The following FGFR1 variants were observed in gnomAD, a reference collection of about 807,000 sequenced individuals.
The protein encoded by FGFR1 is FGFR1/PLAG1 fusion.
In FGFR1, 18 loss-of-function variants were observed where a neutral mutation model predicts 93.7. That is an observed-to-expected ratio of 0.19 (90% CI 0.13 to 0.28). FGFR1 has a LOEUF of 0.28. FGFR1 is among the 10% of genes least tolerant of loss of function. The pLI, the probability that FGFR1 is intolerant of heterozygous loss-of-function variation, is 1.00. For synonymous variants in FGFR1, 448 were observed against 429.3 expected, an observed-to-expected ratio of 1.04 and a Z score of -0.54; for missense variants, 731 against 1,080.4, an observed-to-expected ratio of 0.68 and a Z score of 4.53.
In FGFR1 at chr8:38,428,395, G is replaced by GTCATCATCA. The variant is rs138489552; in HGVS notation, c.390_398dup (p.Asp131_Asp133dup). 9 of 1,613,622 alleles carry GTCATCATCA rather than the reference G, an allele frequency of 5.6e-6. No individual in the cohort carries two copies. Among genetic ancestry groups the GTCATCATCA allele is most frequent in the Non-Finnish European group, 7.6e-6 (9 of 1,179,702 alleles). ...CTGTTTCTTTCTCCTCTGAAGAGGA[G>GTCATCATCA]TCATCATCATCATCATCATCCTCCG... On this transcript the variant is annotated inframe_insertion, in exon 4 of 18. Coordinates refer to ENST00000447712, the MANE Select transcript of FGFR1 (RefSeq NM_023110.3).
At chr8:38,417,266 T>TC in intron 12 of FGFR1, 40 bp downstream of exon 12, 7 of 1,514,772 alleles carry the variant, frequency 4.6e-6, no homozygotes, top group Non-Finnish European at 6.4e-6. Context: ...TCAGATCTTC[T>TC]CCCCGCTGGG....
chr8:38,461,021 C>A, intron 1 of FGFR1: 1 of 1,518,210 alleles, frequency 6.6e-7, no homozygotes, highest in Non-Finnish European at 8.8e-7. Context: ...TGCCTGCATG[C>A]AGAGGTCCTC....
At chr8:38,416,845 C>A (rs1184222268) in intron 12 of FGFR1, among the ~76,000 whole-genome samples, 2 of 152,142 alleles carry the variant, frequency 1.3e-5, no homozygotes, top group Non-Finnish European at 2.9e-5. Flanking sequence ...CTCCACCTCC[C>A]GGGTTCAAGC....
At chr8:38,457,985 A>G (rs1833341922) in intron 1 of FGFR1, among the ~76,000 whole-genome samples, 1 of 152,100 alleles carries the variant, frequency 6.6e-6, no homozygotes, top group African/African-American at 2.4e-5. Flanking sequence ...TCTGTCTCAA[A>G]AAGAGAGGTT....
At chr8:38,457,204 T>G in intron 2 of FGFR1, 152 bp downstream of exon 2, 28 of 844,174 alleles carry the variant, frequency 3.3e-5, no homozygotes, top group Non-Finnish European at 4.9e-5. Context: ...CCAGGTATCT[T>G]GAGAGTTTCT....
rs2150816268 is a variant in FGFR1, at chr8:38,424,556, C to T, written c.889G>A (p.Gly297Arg). Reference protein sequence around the residue: ...IQWLKHIEVNGSKIGPDNLPY... With the variant: ...IQWLKHIEVNRSKIGPDNLPY... ...AGGTTGTCTGGGCCAATCTTGCTCC[C>T]ATTCACCTCGATGTGCTTTAGCCAC... Residue 297 changes from glycine (G) to arginine (R), a missense_variant, in exon 7 of 18, where the codon GGG (glycine) becomes AGG (arginine). By Grantham distance (125) the Gly-to-Arg change is moderately radical. This residue lies in a region of FGFR1 where 109 missense variants were observed against 249.4 expected (regional missense o/e 0.44). Coordinates refer to ENST00000447712, the MANE Select transcript of FGFR1 (RefSeq NM_023110.3). The surrounding 1 kb of genome is among the most constrained non-coding windows in gnomAD (Gnocchi z 4.3). 1 of 1,614,244 alleles carries T rather than the reference C, an allele frequency of 6.2e-7. No homozygotes were observed. Among genetic ancestry groups the T allele is most frequent in the Non-Finnish European group, 8.5e-7 (1 of 1,180,048 alleles).
At chr8:38,458,877 A>C (rs1360370445) in intron 1 of FGFR1, 1 of 220,694 alleles carries the variant, frequency 4.5e-6, no homozygotes, top group Non-Finnish European at 9.1e-6. Context: ...GCCAGGAGGG[A>C]TCCAGTTCTC....
At chr8:38,415,723 G>C (rs1247168567) in intron 13 of FGFR1, 147 bp downstream of exon 13, 5 of 832,790 alleles carry the variant, frequency 6.0e-6, no homozygotes, top group Non-Finnish European at 9.9e-6. Context: ...GCAGTTCCCA[G>C]AGAGCCTAAG....
chr8:38,444,388 T>G (rs1231148753), intron 2 of FGFR1, among the ~76,000 whole-genome samples: 11 of 116,022 alleles, frequency 9.5e-5, no homozygotes, highest in African/African-American at 1.2e-4. Flanking sequence ...ATGGTTCGGG[T>G]TTTTTTTTTT....
At chr8:38,442,669 C>G (rs1315253010) in intron 2 of FGFR1, among the ~76,000 whole-genome samples, 1 of 152,164 alleles carries the variant, frequency 6.6e-6, no homozygotes, top group Non-Finnish European at 1.5e-5. Flanking sequence ...CCTCTCCCAG[C>G]TGGGGCCTCT....
intron 7 of FGFR1, chr8:38,423,726 A>T (rs1218308584): frequency 1.3e-5 from 2 of 156,308 alleles, no homozygotes; most frequent in East Asian, 3.8e-4. Context: ...TGTTTAACCC[A>T]CTCCCTCCAG....
rs970387597 is a variant in FGFR1 at position 38,427,845 on chromosome 8, A to G, written c.621+76T>C. Reference sequence around the variant, plus strand: ...GGAAAGTATTACTTAAAAAAATGAAAAGCATGTAATCAGGACTTCCTAACT... The same window carrying G: ...GGAAAGTATTACTTAAAAAAATGAAGAGCATGTAATCAGGACTTCCTAACT... On this transcript the variant is annotated intron_variant, in intron 5 of 17. Coordinates refer to ENST00000447712, the MANE Select transcript of FGFR1 (RefSeq NM_023110.3). 454 of 1,527,216 alleles carry G rather than the reference A, an allele frequency of 3.0e-4. 1 individual carries two copies. The highest frequency in any genetic ancestry group is 5.3e-5 in the Non-Finnish European group (58 of 1,101,468). 94.6% of individuals were successfully genotyped at this position (1,527,216 alleles called of 1,614,324 possible).
chr8:38,460,002 G>A (rs1412104298), intron 1 of FGFR1, among the ~76,000 whole-genome samples: 1 of 152,142 alleles, frequency 6.6e-6, no homozygotes, highest in East Asian at 1.9e-4. Flanking sequence ...GGCCAACATG[G>A]TGAAATTCCT....
intron 1 of FGFR1, chr8:38,460,958 A>G: frequency 9.5e-7 from 1 of 1,053,100 alleles, no homozygotes; most frequent in Non-Finnish European, 1.4e-6. Context: ...AAGACCCTGC[A>G]GCTGGTTCCC....
rs147849069 is a variant in FGFR1, at chr8:38,439,299, G to T, written c.92-9351C>A. On this transcript the variant is annotated intron_variant, in intron 2 of 17. Transcript: ENST00000447712. ...GGGTGATGAGGGGTGGCCCACTCCA[G>T]GTCTGTGCCGCTCTGCCTGGGCCAC... Among the ~76,000 whole-genome samples the T allele has an allele frequency of 5.2e-3, 796 of 152,212 alleles. 4 individuals carry two copies. The highest frequency in any genetic ancestry group is 0.016 in the East Asian group (83 of 5,168).
At chr8:38,462,268 G>A (rs973065842) in intron 1 of FGFR1, among the ~76,000 whole-genome samples, 2 of 152,184 alleles carry the variant, frequency 1.3e-5, no homozygotes, top group African/African-American at 4.8e-5. Flanking sequence ...CACTTTGGGA[G>A]GCTGAGGTGG....
rs201364530 is a variant in FGFR1 at position 38,411,523 on chromosome 8, GT to G, written c.*2104del. 6.8e-4 allele frequency: 155 copies of G among 228,816 alleles called. No homozygotes were observed. The highest frequency in any genetic ancestry group is 3.0e-3 in the African/African-American group (134 of 45,252). 14.2% of individuals were successfully genotyped at this position (228,816 alleles called of 1,614,324 possible). A position where few individuals can be genotyped will look rare whatever the true frequency, so the allele number is the denominator to read the frequency against. On this transcript the variant is annotated 3_prime_UTR_variant, in exon 18 of 18. Transcript: ENST00000447712. The stretch of plus-strand genomic sequence containing the variant: ...GAGAAACAAAGAGAATTTTACAATA[GT>G]CGCCAACACTGCAGCTGCCAAAAAA...
intron 2 of FGFR1, among the ~76,000 whole-genome samples, chr8:38,446,555 G>A (rs1313792898): frequency 6.6e-6 from 1 of 152,032 alleles, no homozygotes; most frequent in East Asian, 1.9e-4. Flanking sequence ...TGGGATTACA[G>A]GCGCCCACCA....
At chr8:38,416,519 G>A (rs1318778902) in intron 12 of FGFR1, among the ~76,000 whole-genome samples, 3 of 139,910 alleles carry the variant, frequency 2.1e-5, no homozygotes, top group South Asian at 2.4e-4. Context: ...GCAATGGCGC[G>A]ATCTCGGCTA....
Sources: gnomAD v4.1 joint callset for allele counts (sites outside exome capture counted in the v4.1 genomes callset) on GRCh38, gnomAD v4.1.1 for gene constraint, gnomAD v4.1.1 regional missense constraint, Gnocchi (gnomAD v3.1) non-coding constraint, MANE v1.5 for transcripts, NCBI Gene and HGNC (gene_info 2026-07-23, HGNC 2026-07-21) for gene names.